Variants in SETD2 observed in about 807,000 individuals in gnomAD.
SETD2 encodes the protein SET domain containing 2, histone lysine methyltransferase.
In SETD2, 31 loss-of-function variants were observed where a neutral mutation model predicts 242.1. The observed-to-expected ratio is 0.13, with a 90% CI of 0.10 to 0.17. The LOEUF (loss-of-function observed/expected upper bound fraction) is 0.17, where lower values mean the gene tolerates loss of function less well. SETD2 is among the 10% of genes least tolerant of loss of function. The pLI is 1.00. For synonymous variants in SETD2, 1,006 were observed against 1,066.5 expected (o/e 0.94, Z 1.11); for missense variants, 2,481 against 3,046.3 (o/e 0.81, Z 4.37).
At chr3:47,076,756 C>G (rs930691577) in intron 12 of SETD2, among the ~76,000 whole-genome samples, 3 of 152,172 alleles carry the variant, frequency 2.0e-5, no homozygotes, top group Non-Finnish European at 4.4e-5. Flanking sequence ...ACAGTATGTT[C>G]AAGGACATGA....
At chr3:47,162,475 T>G (rs924227763) in intron 1 of SETD2, among the ~76,000 whole-genome samples, 1 of 152,228 alleles carries the variant, frequency 6.6e-6, no homozygotes, top group Non-Finnish European at 1.5e-5. Context: ...AACTTACTAT[T>G]GCAAGTAAGA....
At chr3:47,105,072 T>C (rs1470212951) in intron 6 of SETD2, among the ~76,000 whole-genome samples, 1 of 152,190 alleles carries the variant, frequency 6.6e-6, no homozygotes, top group Non-Finnish European at 1.5e-5. Context: ...ATTTTTAATA[T>C]GATTAAGTAT....
intron 2 of SETD2, 60 bp from the exon 3 acceptor site, chr3:47,124,608 GCA>G (rs2043252657): frequency 2.9e-6 from 4 of 1,382,804 alleles, no homozygotes; most frequent in African/African-American, 1.5e-5. Context: ...CAAATGGACT[GCA>G]CAGTTTAAAA....
At chr3:47,021,343 G>A (rs1472542887) in intron 18 of SETD2, among the ~76,000 whole-genome samples, 1 of 152,174 alleles carries the variant, frequency 6.6e-6, no homozygotes, top group Admixed American at 6.6e-5. Flanking sequence ...AAGAGGCCAT[G>A]CTCTCAGCGA....
intron 1 of SETD2, among the ~76,000 whole-genome samples, chr3:47,146,015 C>CAAAAAAA (rs1171574770): frequency 3.1e-4 from 12 of 38,674 alleles, no homozygotes; most frequent in East Asian, 9.8e-4. Context: ...GACCCTGTCT[C>CAAAAAAA]AAAAAAAAAA....
intron 1 of SETD2, chr3:47,145,379 T>C: frequency 4.4e-6 from 1 of 228,738 alleles, no homozygotes. Context: ...TAAACTGTGT[T>C]GTATGCCTGT....
chr3:47,037,744 G>A lies in SETD2; in HGVS notation c.7272C>T (p.Ser2424=). 6.2e-7 allele frequency: 1 copy of A among 1,613,690 alleles called. No individual in the cohort carries two copies. The change falls in exon 18 of 21, where the codon AGC becomes AGT. Residue 2424 remains serine (S), a synonymous_variant. Coordinates refer to ENST00000409792, the MANE Select transcript of SETD2 (RefSeq NM_014159.7). ...GCTCAAGGCTGGCATCATCTCCTGG[G>A]CTTTCCCAAGTAGGAGGATCCCACT... ...QTQWDPPTWE[S]PGDDASLEHE...
chr3:47,137,146 T>C (rs2043606385), intron 1 of SETD2, among the ~76,000 whole-genome samples: 2 of 152,164 alleles, frequency 1.3e-5, no homozygotes, highest in African/African-American at 4.8e-5. Flanking sequence ...CATCATTCTA[T>C]ATTATAGTAC....
At position 47,121,761 on chromosome 3, in the gene SETD2, A is replaced by T. The variant is rs2106660070; in HGVS notation, c.2875T>A (p.Leu959Met). ...TTCCCTTCTTCTTGAGCCTCTTGCA[A>T]ACATTTCCCAGATAACCCATTATTA... ...RRNNGLSGKC[L>M]QEAQEEGNSI... Residue 959 changes from leucine (L) to methionine (M), a missense_variant, in exon 3 of 21, where the codon TTG becomes ATG. Leu to Met is a conservative substitution (Grantham distance 15, BLOSUM62 2). Around this residue, in one of 17 missense-constraint regions of SETD2, gnomAD observed 1,300 missense variants for 1,259.2 expected, o/e 1.03. Coordinates refer to ENST00000409792, the MANE Select transcript of SETD2 (RefSeq NM_014159.7). The T allele has an allele frequency of 6.2e-7, 1 of 1,614,134 alleles. No homozygotes were observed. The highest frequency in any genetic ancestry group is 8.5e-7 in the Non-Finnish European group (1 of 1,180,018).
At chr3:47,104,887 C>T (rs543317341) in intron 6 of SETD2, among the ~76,000 whole-genome samples, 14 of 152,184 alleles carry the variant, frequency 9.2e-5, no homozygotes, top group African/African-American at 3.1e-4. Context: ...TCGGTCTGAG[C>T]CCTTGGAGCA....
intron 3 of SETD2, chr3:47,119,526 C>T (rs965390931): frequency 5.8e-6 from 1 of 172,996 alleles, no homozygotes; most frequent in African/African-American, 2.4e-5. Flanking sequence ...CGGCCTTTCT[C>T]GTGTTATTCT....
chr3:47,049,375 T>TTC lies in SETD2; in HGVS notation c.6964-2755_6964-2754insGA, dbSNP rs1491338676. Among the ~76,000 whole-genome samples, 60 of 6,932 alleles carry TTC rather than the reference T, an allele frequency of 8.7e-3. 4 individuals carry two copies. Among genetic ancestry groups the TTC allele is most frequent in the Non-Finnish European group, 2.2e-3 (4 of 1,846 alleles). The allele number at this position is 6,932 out of a possible 152,430, so 4.5% of individuals were successfully genotyped here. On this transcript the variant is annotated intron_variant, in intron 15 of 20. Transcript: ENST00000409792. ...TATTCTTATATATATAAACTTATTC[T>TTC]TTTTTTTTTTTTTTTGAGACAGAGT...
chr3:47,102,965 C>A (rs981221858), intron 7 of SETD2, among the ~76,000 whole-genome samples: 17 of 151,908 alleles, frequency 1.1e-4, no homozygotes, highest in African/African-American at 3.9e-4. Flanking sequence ...TAATTATGGG[C>A]AAGGAAGGAG....
chr3:47,049,203 C>G (rs2039678460), intron 15 of SETD2, among the ~76,000 whole-genome samples: 1 of 151,446 alleles, frequency 6.6e-6, no homozygotes, highest in African/African-American at 2.4e-5. Context: ...CTTGGCCTCC[C>G]AGATTGCTGG....
chr3:47,102,523 G>C (rs2042253353), intron 7 of SETD2, among the ~76,000 whole-genome samples: 1 of 152,234 alleles, frequency 6.6e-6, no homozygotes, highest in Non-Finnish European at 1.5e-5. Flanking sequence ...GGGTGCGGAG[G>C]CTCACGCCTA....
At chr3:47,048,409 G>C (rs1228363201) in intron 15 of SETD2, among the ~76,000 whole-genome samples, 1 of 151,902 alleles carries the variant, frequency 6.6e-6, no homozygotes. Flanking sequence ...AATTTAAATG[G>C]TACACCTGTA....
intron 5 of SETD2, among the ~76,000 whole-genome samples, chr3:47,111,582 A>T (rs924441820): frequency 2.6e-5 from 4 of 152,086 alleles, no homozygotes; most frequent in African/African-American, 9.7e-5. Flanking sequence ...AAAAATAAAA[A>T]ACAATAAAAA....
chr3:47,105,842 G>A (rs1400717154), intron 6 of SETD2, 155 bp downstream of exon 6: 1 of 739,128 alleles, frequency 1.4e-6, no homozygotes, highest in Non-Finnish European at 2.1e-6. Flanking sequence ...GGCAGGGGTT[G>A]CAGTGAGCCG....
intron 3 of SETD2, among the ~76,000 whole-genome samples, chr3:47,119,167 T>C (rs944093783): frequency 5.3e-5 from 8 of 152,138 alleles, no homozygotes; most frequent in Non-Finnish European, 1.0e-4. Context: ...CTTTTTGTTT[T>C]GGTTTTTTAA....
Sources: allele counts gnomAD v4.1 joint callset (sites outside exome capture counted in the v4.1 genomes callset), GRCh38; gene constraint gnomAD v4.1.1; regional missense constraint gnomAD v4.1.1; transcripts MANE v1.5; gene names NCBI Gene and HGNC (gene_info 2026-07-23, HGNC 2026-07-21).